The following ERVV-1 variants were observed in gnomAD, a reference collection of about 807,000 sequenced individuals.
ERVV-1 encodes the protein endogenous retrovirus group V member 1, envelope.
For synonymous variants in ERVV-1, 59 were observed against 170.2 expected, an observed-to-expected ratio of 0.35 and a Z score of 5.09; for missense variants, 150 against 456.5, an observed-to-expected ratio of 0.33 and a Z score of 6.12.
In ERVV-1 at chr19:53,015,290, A is replaced by G. The variant is rs1224151806; in HGVS notation, c.1200A>G (p.Ala400=). 1.4e-6 allele frequency: 1 copy of G among 712,934 alleles called. No individual in the cohort carries two copies. Among genetic ancestry groups the G allele is most frequent in the Non-Finnish European group, 2.5e-6 (1 of 394,292 alleles). The allele number at this position is 712,934 out of a possible 1,614,324, so 44.2% of individuals were successfully genotyped here. A position where few individuals can be genotyped will look rare whatever the true frequency, so the allele number is the denominator to read the frequency against. ...TAGCAGAGCAGGGTGGAGTCTGTGC[A>G]GTGATCAGTAAATCCTGTTGCATTT... The part of the protein sequence containing the change: ...YLLAEQGGVC[A]VISKSCCIYV... Residue 400 remains alanine (A), a synonymous_variant, in exon 1 of 1, where the codon GCA becomes GCG. Transcript: ENST00000602168.
In ERVV-1 at chr19:53,014,430, T is replaced by C. The variant is rs1334770673; in HGVS notation, c.340T>C (p.Tyr114His). 2.2e-6 allele frequency: 2 copies of C among 895,302 alleles called. No individual in the cohort carries two copies. Among genetic ancestry groups the C allele is most frequent in the East Asian group, 5.5e-5 (2 of 36,052 alleles). 55.5% of individuals were successfully genotyped at this position (895,302 alleles called of 1,614,324 possible). ...PFNQSSKTSF[Y>H]FYNCSSLNQT... ...CAATCAAAGCTCTAAAACTTCTTTC[T>C]ATTTCTACAACTGCTCTTCTCTAAA... Residue 114 changes from tyrosine (Y) to histidine (H), a missense_variant, in exon 1 of 1, where the codon TAT (tyrosine) becomes CAT (histidine). Coordinates refer to ENST00000602168, the MANE Select transcript of ERVV-1 (RefSeq NM_152473.3).
At chr19:53,015,018 AT>A in the ERVV-1 span, 26 of 1,526,564 alleles carry the variant, frequency 1.7e-5, no homozygotes, top group Non-Finnish European at 2.3e-5. Context: ...AGGTGTGACC[AT>A]TTATAACACC....
In ERVV-1 at chr19:53,015,930, TCAGCAA is replaced by T; in HGVS notation, c.*407_*412del. 5 of 172,436 alleles carry T rather than the reference TCAGCAA, an allele frequency of 2.9e-5. No individual in the cohort carries two copies. Among genetic ancestry groups the T allele is most frequent in the South Asian group, 1.9e-4 (1 of 5,368 alleles). The allele number at this position is 172,436 out of a possible 1,614,324, so 10.7% of individuals were successfully genotyped here. A position where few individuals can be genotyped will look rare whatever the true frequency, so the allele number is the denominator to read the frequency against. ...CTCCTTGGAAACGCTGCACGCTGAG[TCAGCAA>T]AAGGAGGAGCGTGGCTACACTGGCT... is the stretch of plus-strand genomic sequence containing the variant. On this transcript the variant is annotated 3_prime_UTR_variant, in exon 1 of 1. Transcript: ENST00000602168.
At position 53,013,977 on chromosome 19, in the gene ERVV-1, T is replaced by C; in HGVS notation, c.-114T>C. 2 of 1,494,150 alleles carry C rather than the reference T, an allele frequency of 1.3e-6. No individual in the cohort carries two copies. The allele number at this position is 1,494,150 out of a possible 1,614,324, so 92.6% of individuals were successfully genotyped here. ...ACCCACACTGGCATGCCACCTGAAG[T>C]CCCGATAACAGCCTGATTTCTCACT... is the stretch of plus-strand genomic sequence containing the variant. On this transcript the variant is annotated 5_prime_UTR_variant, in exon 1 of 1. Coordinates refer to ENST00000602168, the MANE Select transcript of ERVV-1 (RefSeq NM_152473.3).
chr19:53,015,941 AG>A lies in ERVV-1; in HGVS notation c.*419del, dbSNP rs1268096353. ...CGCTGCACGCTGAGTCAGCAAAAGGAGGAGCGTGGCTACACTGGCTACACCT... is the reference window on the plus strand; with the variant it reads ...CGCTGCACGCTGAGTCAGCAAAAGGAGAGCGTGGCTACACTGGCTACACCT... On this transcript the variant is annotated 3_prime_UTR_variant, in exon 1 of 1. Coordinates refer to ENST00000602168, the MANE Select transcript of ERVV-1 (RefSeq NM_152473.3). The A allele has an allele frequency of 2.4e-5, 4 of 170,166 alleles. No homozygotes were observed. Among genetic ancestry groups the A allele is most frequent in the Non-Finnish European group, 4.9e-5 (4 of 81,294 alleles). 10.5% of individuals were successfully genotyped at this position (170,166 alleles called of 1,614,324 possible). A position where few individuals can be genotyped will look rare whatever the true frequency, so the allele number is the denominator to read the frequency against.
chr19:53,016,091 T>C lies in ERVV-1; in HGVS notation c.*567T>C, dbSNP rs2083787156. The C allele has an allele frequency of 6.6e-6, 1 of 152,494 alleles. No homozygotes were observed. The highest frequency in any genetic ancestry group is 1.5e-5 in the Non-Finnish European group (1 of 68,272). The allele number at this position is 152,494 out of a possible 1,614,324, so 9.4% of individuals were successfully genotyped here. ...ACTTCTCTAATAATTCACCCTAATA[T>C]ACCATTTTGTTCATTAAAATAATAA... On this transcript the variant is annotated 3_prime_UTR_variant, in exon 1 of 1. Transcript: ENST00000602168.
Position 53,015,782 on chromosome 19 carries a change from C to A in ERVV-1, c.*258C>A. 1 of 394,744 alleles carries A rather than the reference C, an allele frequency of 2.5e-6. No homozygotes were observed. The allele number at this position is 394,744 out of a possible 1,614,324, so 24.5% of individuals were successfully genotyped here. On this transcript the variant is annotated 3_prime_UTR_variant, in exon 1 of 1. Coordinates refer to ENST00000602168, the MANE Select transcript of ERVV-1 (RefSeq NM_152473.3). ...AGAAGACCCACGACGTCCTTATGCC[C>A]AAAGCTTTTCAGGGTCTCCAACTCT...
chr19:53,015,778 T>C lies in ERVV-1; in HGVS notation c.*254T>C, dbSNP rs917342592. On this transcript the variant is annotated 3_prime_UTR_variant, in exon 1 of 1. Coordinates refer to ENST00000602168, the MANE Select transcript of ERVV-1 (RefSeq NM_152473.3). ...TTACAGAAGACCCACGACGTCCTTA[T>C]GCCCAAAGCTTTTCAGGGTCTCCAA... The C allele has an allele frequency of 4.9e-6, 2 of 406,692 alleles. No individual in the cohort carries two copies. The highest frequency in any genetic ancestry group is 8.6e-6 in the Non-Finnish European group (2 of 233,704). The allele number at this position is 406,692 out of a possible 1,614,324, so 25.2% of individuals were successfully genotyped here.
At position 53,016,033 on chromosome 19, in the gene ERVV-1, G is replaced by A. The variant is rs1462127791; in HGVS notation, c.*509G>A. On this transcript the variant is annotated 3_prime_UTR_variant, in exon 1 of 1. Transcript: ENST00000602168. ...TCAAGGCCCAGCCAGAGGTTACCAA[G>A]GTAGGAGCTATTCCCCACTAAGAAG... 6.5e-6 allele frequency: 1 copy of A among 155,022 alleles called. No individual in the cohort carries two copies. Among genetic ancestry groups the A allele is most frequent in the African/African-American group, 2.4e-5 (1 of 41,496 alleles). 9.6% of individuals were successfully genotyped at this position (155,022 alleles called of 1,614,324 possible). A position where few individuals can be genotyped will look rare whatever the true frequency, so the allele number is the denominator to read the frequency against.
In ERVV-1 at chr19:53,014,967, A is replaced by G. The variant is rs1396060154; in HGVS notation, c.877A>G (p.Thr293Ala). The G allele has an allele frequency of 5.9e-6, 9 of 1,535,586 alleles. No individual in the cohort carries two copies. The East Asian group carries it at 2.2e-4, about 38-fold the overall frequency. The change falls in exon 1 of 1, where the codon ACG becomes GCG. Residue 293 changes from threonine to alanine, a missense_variant. Coordinates refer to ENST00000602168, the MANE Select transcript of ERVV-1 (RefSeq NM_152473.3). The stretch of plus-strand genomic sequence containing the variant: ...CACTTGCATTAATAACATCCAACAT[A>G]CGGGAGAATGTGCTGTGGGACTTTT... ...LYTCINNIQH[T>A]GECAVGLLGP...
chr19:53,015,254 A>T lies in ERVV-1; in HGVS notation c.1164A>T (p.Leu388Phe), dbSNP rs2083782727. The change falls in exon 1 of 1, where the codon TTA becomes TTT. Residue 388 changes from leucine to phenylalanine, a missense_variant. By Grantham distance (22) the Leu-to-Phe change is conservative (BLOSUM62 0). Transcript: ENST00000602168. ...ANVVMNNRLA[L>F]DYLLAEQGGV... Reference sequence around the variant, plus strand: ...TAGTCATGAACAACAGATTGGCCTTAGATTACCTCTTAGCAGAGCAGGGTG... The same window carrying T: ...TAGTCATGAACAACAGATTGGCCTTTGATTACCTCTTAGCAGAGCAGGGTG... 1 of 755,056 alleles carries T rather than the reference A, an allele frequency of 1.3e-6. No individual in the cohort carries two copies. 46.8% of individuals were successfully genotyped at this position (755,056 alleles called of 1,614,324 possible).
At position 53,014,904 on chromosome 19, in the gene ERVV-1, A is replaced by G; in HGVS notation, c.814A>G (p.Lys272Glu). ...TAAACTGCCCTTTGATGGAAGTCCT[A>G]AGATAACTTATTCAACCCCCCCTGT... is the stretch of plus-strand genomic sequence containing the variant. ...KNKLPFDGSP[K>E]ITYSTPPVAN... The change falls in exon 1 of 1, where the codon AAG becomes GAG. Residue 272 changes from lysine to glutamate, a missense_variant. Lys to Glu is a moderately conservative substitution (Grantham distance 56). Transcript: ENST00000602168. 1.3e-6 allele frequency: 2 copies of G among 1,535,842 alleles called. No homozygotes were observed. Among genetic ancestry groups the G allele is most frequent in the South Asian group, 1.2e-5 (1 of 84,044 alleles).
Position 53,015,414 on chromosome 19 carries a change from A to G in ERVV-1, c.1324A>G (p.Ile442Val). 1 of 703,180 alleles carries G rather than the reference A, an allele frequency of 1.4e-6. No homozygotes were observed. Among genetic ancestry groups the G allele is most frequent in the Non-Finnish European group, 2.6e-6 (1 of 385,188 alleles). The allele number at this position is 703,180 out of a possible 1,614,324, so 43.6% of individuals were successfully genotyped here. A position where few individuals can be genotyped will look rare whatever the true frequency, so the allele number is the denominator to read the frequency against. Residue 442 changes from isoleucine to valine, a missense_variant, in exon 1 of 1, where the codon ATT becomes GTT. Ile to Val is a conservative substitution (Grantham distance 29, BLOSUM62 3). Transcript: ENST00000602168. ...NFGKGDSAGS[I>V]WEAVKSALPS... Reference sequence around the variant, plus strand: ...TGGAAAAGGTGATTCAGCAGGGTCCATTTGGGAGGCTGTGAAGTCTGCCCT... The same window carrying G: ...TGGAAAAGGTGATTCAGCAGGGTCCGTTTGGGAGGCTGTGAAGTCTGCCCT...
rs771761537 is a variant in ERVV-1, at chr19:53,014,711, C to A, written c.621C>A (p.Pro207=). 11 of 1,527,906 alleles carry A rather than the reference C, an allele frequency of 7.2e-6. No homozygotes were observed. Among genetic ancestry groups the A allele is most frequent in the Non-Finnish European group, 8.7e-6 (10 of 1,146,514 alleles). The allele number at this position is 1,527,906 out of a possible 1,614,324, so 94.6% of individuals were successfully genotyped here. Reference sequence around the variant, plus strand: ...TGCTTCCCAAGGCACACACTGTCCCCACATGGCCAAAATCTACTGTTCCCC... The same window carrying A: ...TGCTTCCCAAGGCACACACTGTCCCAACATGGCCAAAATCTACTGTTCCCC... The part of the protein sequence containing the change: ...LYLLPKAHTV[P]TWPKSTVPLG... The change falls in exon 1 of 1, where the codon CCC becomes CCA. Residue 207 remains proline (P), a synonymous_variant. Transcript: ENST00000602168.
chr19:53,015,939 G>T lies in ERVV-1; in HGVS notation c.*415G>T. 12 of 169,704 alleles carry T rather than the reference G, an allele frequency of 7.1e-5. No individual in the cohort carries two copies. Among genetic ancestry groups the T allele is most frequent in the South Asian group, 1.9e-4 (1 of 5,346 alleles). 10.5% of individuals were successfully genotyped at this position (169,704 alleles called of 1,614,324 possible). ...AACGCTGCACGCTGAGTCAGCAAAA[G>T]GAGGAGCGTGGCTACACTGGCTACA... On this transcript the variant is annotated 3_prime_UTR_variant, in exon 1 of 1. Transcript: ENST00000602168.
In ERVV-1 at chr19:53,015,579, A is replaced by T. The variant is rs1411808499; in HGVS notation, c.*55A>T. On this transcript the variant is annotated 3_prime_UTR_variant, in exon 1 of 1. Transcript: ENST00000602168. ...TATGGCAATTTCACACAGAGCCCCT[A>T]AAAATGGAAAGAGATCATCCAATCT... 1.3e-5 allele frequency: 8 copies of T among 611,804 alleles called. No individual in the cohort carries two copies. The highest frequency in any genetic ancestry group is 2.5e-4 in the Middle Eastern group (1 of 3,948). The allele number at this position is 611,804 out of a possible 1,614,324, so 37.9% of individuals were successfully genotyped here.
chr19:53,013,989 C>T lies in ERVV-1; in HGVS notation c.-102C>T, dbSNP rs1650927. 2.0e-6 allele frequency: 3 copies of T among 1,518,326 alleles called. No homozygotes were observed. Among genetic ancestry groups the T allele is most frequent in the Admixed American group, 2.0e-5 (1 of 50,828 alleles). 94.1% of individuals were successfully genotyped at this position (1,518,326 alleles called of 1,614,324 possible). On this transcript the variant is annotated 5_prime_UTR_variant, in exon 1 of 1. Transcript: ENST00000602168. ...ATGCCACCTGAAGTCCCGATAACAG[C>T]CTGATTTCTCACTAAACACTCCATC...
the ERVV-1 span, chr19:53,014,509 AG>A: frequency 8.1e-7 from 1 of 1,237,854 alleles, no homozygotes; most frequent in Non-Finnish European, 1.1e-6. Context: ...AACACCTCTG[AG>A]GAGGGATTCC....
chr19:53,015,374 G>A lies in ERVV-1; in HGVS notation c.1284G>A (p.Thr428=), dbSNP rs1661940. The A allele has an allele frequency of 1.4e-5, 10 of 703,956 alleles. No homozygotes were observed. The highest frequency in any genetic ancestry group is 2.7e-5 in the East Asian group (1 of 37,278). 43.6% of individuals were successfully genotyped at this position (703,956 alleles called of 1,614,324 possible). A position where few individuals can be genotyped will look rare whatever the true frequency, so the allele number is the denominator to read the frequency against. Residue 428 remains threonine (T), a synonymous_variant, in exon 1 of 1, where the codon ACG becomes ACA. Coordinates refer to ENST00000602168, the MANE Select transcript of ERVV-1 (RefSeq NM_152473.3). ...TAAAAAAGATCTATGATGAGGTTAC[G>A]TGGCTCCATAACTTTGGAAAAGGTG... ...EDIKKIYDEV[T]WLHNFGKGDS...
Sources: allele counts gnomAD v4.1 joint callset, GRCh38; gene constraint gnomAD v4.1.1; transcripts MANE v1.5; gene names NCBI Gene and HGNC (gene_info 2026-07-23, HGNC 2026-07-21).